The following RIMS4 variants were observed in gnomAD, a reference collection of about 807,000 sequenced individuals.
The protein encoded by RIMS4 is regulating synaptic membrane exocytosis 4.
RIMS4 carries 9 observed loss-of-function variants against 29.0 expected under a neutral mutation model. The observed-to-expected ratio is 0.31, with a 90% CI of 0.19 to 0.54. RIMS4 has a LOEUF of 0.54. Among genes scored for constraint, RIMS4 ranks in the 20% least tolerant of loss-of-function variants. RIMS4 has a pLI of 0.94. For synonymous variants in RIMS4, 130 were observed against 152.9 expected (o/e 0.85, Z 1.10); for missense variants, 193 against 365.7 (o/e 0.53, Z 3.85).
At chr20:44,775,680 T>C (rs927047727) in intron 1 of RIMS4, among the ~76,000 whole-genome samples, 1 of 152,174 alleles carries the variant, frequency 6.6e-6, no homozygotes, top group Admixed American at 6.5e-5. Flanking sequence ...GGGTCTGTTC[T>C]GGGGGCACTT....
chr20:44,771,262 G>A lies in RIMS4; in HGVS notation c.236+13C>T. ...ACTGCAAGAACCAGGAGGGCTGGTG[G>A]CCCCACACTTACTTGCCCTCTGAGC... On this transcript the variant is annotated intron_variant, in intron 2 of 5. Coordinates refer to ENST00000372851, the MANE Select transcript of RIMS4 (RefSeq NM_182970.4). The A allele has an allele frequency of 6.3e-7, 1 of 1,599,648 alleles. No individual in the cohort carries two copies. The highest frequency in any genetic ancestry group is 8.6e-7 in the Non-Finnish European group (1 of 1,168,408).
chr20:44,810,127 T>A, intron 1 of RIMS4, 48 bp downstream of exon 1: 1 of 1,230,834 alleles, frequency 8.1e-7, no homozygotes, highest in Non-Finnish European at 1.1e-6. Flanking sequence ...CTACCGGACC[T>A]GGATCCCGGG....
chr20:44,791,920 A>C (rs1382324242), intron 1 of RIMS4, among the ~76,000 whole-genome samples: 1 of 152,070 alleles, frequency 6.6e-6, no homozygotes, highest in Non-Finnish European at 1.5e-5. Context: ...CCACTTCCTA[A>C]TGTACCTGCT....
At chr20:44,806,548 T>C (rs1237471976) in intron 1 of RIMS4, among the ~76,000 whole-genome samples, 2 of 152,190 alleles carry the variant, frequency 1.3e-5, no homozygotes, top group African/African-American at 4.8e-5. Context: ...CCTATTAAAA[T>C]TATAAAGCTA....
intron 1 of RIMS4, among the ~76,000 whole-genome samples, chr20:44,786,129 G>T (rs141024077): frequency 6.6e-6 from 1 of 152,194 alleles, no homozygotes. Context: ...TTTGAGAAGA[G>T]GTAGCAGAAT....
At chr20:44,791,902 C>T (rs566062053) in intron 1 of RIMS4, among the ~76,000 whole-genome samples, 123 of 152,304 alleles carry the variant, frequency 8.1e-4, no homozygotes, top group African/African-American at 2.9e-3. Context: ...TCCATTTCTT[C>T]CCTGTGTCCA....
intron 1 of RIMS4, among the ~76,000 whole-genome samples, chr20:44,789,429 T>C (rs2145469736): frequency 6.6e-6 from 1 of 152,294 alleles, no homozygotes; most frequent in East Asian, 1.9e-4. Flanking sequence ...CCTGAGTAGC[T>C]GGGACGGCAG....
At chr20:44,793,680 T>G (rs1025075055) in intron 1 of RIMS4, among the ~76,000 whole-genome samples, 4 of 151,974 alleles carry the variant, frequency 2.6e-5, no homozygotes. Context: ...AGGTGGGTAA[T>G]AAGAGTGAAG....
chr20:44,771,236 G>A (rs201407670), intron 2 of RIMS4, 39 bp downstream of exon 2: 1 of 1,584,946 alleles, frequency 6.3e-7, no homozygotes, highest in South Asian at 1.1e-5. Flanking sequence ...CACCACAAAA[G>A]ACTGCAAGAA....
chr20:44,768,359 C>T (rs1360595127), intron 2 of RIMS4, among the ~76,000 whole-genome samples: 4 of 152,196 alleles, frequency 2.6e-5, no homozygotes, highest in African/African-American at 9.7e-5. Flanking sequence ...CAGACAGACC[C>T]AGCGGTGCCA....
At chr20:44,761,129 G>A (rs978397542) in intron 2 of RIMS4, among the ~76,000 whole-genome samples, 2 of 152,114 alleles carry the variant, frequency 1.3e-5, no homozygotes, top group African/African-American at 2.4e-5. Flanking sequence ...AGGACACAGC[G>A]GGACTTGATA....
intron 1 of RIMS4, among the ~76,000 whole-genome samples, chr20:44,783,752 C>T (rs572215911): frequency 1.3e-5 from 2 of 152,208 alleles, no homozygotes; most frequent in South Asian, 2.1e-4. Flanking sequence ...TATGACTCTA[C>T]GTATTTGAAA....
At chr20:44,769,202 C>T (rs1346829267) in intron 2 of RIMS4, among the ~76,000 whole-genome samples, 2 of 152,218 alleles carry the variant, frequency 1.3e-5, no homozygotes, top group African/African-American at 2.4e-5. Context: ...AGCCATGTTC[C>T]AAACACCTAT....
At chr20:44,792,257 G>C (rs1006374062) in intron 1 of RIMS4, among the ~76,000 whole-genome samples, 1 of 152,054 alleles carries the variant, frequency 6.6e-6, no homozygotes, top group Admixed American at 6.6e-5. Flanking sequence ...TCACAGACTC[G>C]AGTGTCAGGC....
chr20:44,788,589 A>G (rs925554049), intron 1 of RIMS4, among the ~76,000 whole-genome samples: 1 of 152,100 alleles, frequency 6.6e-6, no homozygotes, highest in Non-Finnish European at 1.5e-5. Flanking sequence ...CCTGGGCAAC[A>G]TAGCGAGACC....
At chr20:44,762,723 G>T (rs567608107) in intron 2 of RIMS4, among the ~76,000 whole-genome samples, 1 of 152,182 alleles carries the variant, frequency 6.6e-6, no homozygotes, top group African/African-American at 2.4e-5. Flanking sequence ...AGGTTATCAC[G>T]TCCTCCTGGG....
intron 2 of RIMS4, among the ~76,000 whole-genome samples, chr20:44,765,455 C>T (rs1361058996): frequency 2.6e-5 from 4 of 152,146 alleles, no homozygotes; most frequent in Non-Finnish European, 5.9e-5. Context: ...ATGAGATAAA[C>T]GCCTTAGAAC....
At chr20:44,776,761 C>T (rs2066162112) in intron 1 of RIMS4, among the ~76,000 whole-genome samples, 1 of 152,150 alleles carries the variant, frequency 6.6e-6, no homozygotes, top group African/African-American at 2.4e-5. Context: ...TGGTTATTAC[C>T]ATTGTGCTAG....
intron 1 of RIMS4, among the ~76,000 whole-genome samples, chr20:44,808,456 C>T (rs752946648): frequency 2.0e-5 from 3 of 152,180 alleles, no homozygotes; most frequent in Non-Finnish European, 1.5e-5. Context: ...CCTGCCCAGC[C>T]TGGCTCTTGA....
Sources: allele counts gnomAD v4.1 joint callset (sites outside exome capture counted in the v4.1 genomes callset), GRCh38; gene constraint gnomAD v4.1.1; transcripts MANE v1.5; gene names NCBI Gene and HGNC (gene_info 2026-07-23, HGNC 2026-07-21).